The following RNGTT variants were observed in gnomAD, a reference collection of about 807,000 sequenced individuals.
RNGTT encodes RNA guanylyltransferase and 5'-phosphatase.
A neutral mutation model predicts 79.3 loss-of-function variants in RNGTT; 33 were observed. That is an observed-to-expected ratio of 0.42 (90% CI 0.32 to 0.56). The LOEUF (loss-of-function observed/expected upper bound fraction) is 0.56, where lower values mean the gene tolerates loss of function less well. Ranked by LOEUF, RNGTT falls within the 20% of genes least tolerant of loss-of-function variation. RNGTT has a pLI of 0.17. For synonymous variants in RNGTT, 222 were observed against 235.9 expected, an observed-to-expected ratio of 0.94 and a Z score of 0.54; for missense variants, 497 against 739.1, an observed-to-expected ratio of 0.67 and a Z score of 3.80.
At chr6:88,698,084 G>GAT (rs1207357976) in intron 13 of RNGTT, among the ~76,000 whole-genome samples, 1 of 75,866 alleles carries the variant, frequency 1.3e-5, no homozygotes, top group Non-Finnish European at 2.1e-5. Flanking sequence ...ACATATATAT[G>GAT]ATATATATAT....
At chr6:88,716,880 C>G (rs1029961351) in intron 13 of RNGTT, among the ~76,000 whole-genome samples, 5 of 152,034 alleles carry the variant, frequency 3.3e-5, no homozygotes, top group African/African-American at 9.7e-5. Flanking sequence ...TGACGAGTTA[C>G]TGGGTGCAGC....
At chr6:88,696,984 TG>T (rs1412756805) in intron 13 of RNGTT, among the ~76,000 whole-genome samples, 3 of 152,216 alleles carry the variant, frequency 2.0e-5, no homozygotes, top group Non-Finnish European at 4.4e-5. Context: ...ATAATAGCTA[TG>T]ATCAATCAAA....
chr6:88,784,664 T>C (rs957561083), intron 12 of RNGTT, among the ~76,000 whole-genome samples: 3 of 152,136 alleles, frequency 2.0e-5, no homozygotes, highest in Non-Finnish European at 4.4e-5. Context: ...TTTCTGACCC[T>C]ACATAGACAA....
chr6:88,950,048 G>A (rs1339488021), intron 1 of RNGTT, among the ~76,000 whole-genome samples: 1 of 150,024 alleles, frequency 6.7e-6, no homozygotes, highest in Non-Finnish European at 1.5e-5. Context: ...TTACCATTCT[G>A]AAAATACTAG....
intron 13 of RNGTT, among the ~76,000 whole-genome samples, chr6:88,696,465 A>C (rs901970587): frequency 2.6e-5 from 4 of 152,146 alleles, no homozygotes; most frequent in African/African-American, 7.2e-5. Context: ...TCTATGGCTT[A>C]CTTTTACCTA....
At chr6:88,847,905 C>T (rs1391092075) in intron 10 of RNGTT, among the ~76,000 whole-genome samples, 1 of 150,882 alleles carries the variant, frequency 6.6e-6, no homozygotes, top group East Asian at 1.9e-4. Flanking sequence ...AGACAGAAAA[C>T]CAAATAGAAC....
rs1219168855 is a variant in RNGTT, at chr6:88,632,536, GACACACAGACACACACACACACACACAC to G, written c.1507-18169_1507-18142del. Among the ~76,000 whole-genome samples, 790 of 98,478 alleles carry G rather than the reference GACACACAGACACACACACACACACACAC, an allele frequency of 8.0e-3. 7 individuals carry two copies. The highest frequency in any genetic ancestry group is 0.023 in the African/African-American group (717 of 31,762). The allele number at this position is 98,478 out of a possible 152,430, so 64.6% of individuals were successfully genotyped here. Reference sequence around the variant, plus strand: ...TATAGCAACCAACTACAGACACACAGACACACAGACACACACACACACACACACACACACACACACACACGTACATTTC... The same window carrying G: ...TATAGCAACCAACTACAGACACACAGACACACACACACACACGTACATTTC... On this transcript the variant is annotated intron_variant, in intron 14 of 15. Coordinates refer to ENST00000369485, the MANE Select transcript of RNGTT (RefSeq NM_003800.5).
intron 13 of RNGTT, among the ~76,000 whole-genome samples, chr6:88,701,787 T>C (rs1340585931): frequency 6.6e-6 from 1 of 152,136 alleles, no homozygotes; most frequent in African/African-American, 2.4e-5. Flanking sequence ...GTAATCAAAC[T>C]TCACTTTCTC....
In RNGTT at chr6:88,681,867, C is replaced by T. The variant is rs573079836; in HGVS notation, c.1440-3448G>A. ...GCAACTAAATACTTCTATACTGTGG[C>T]TACCAAAGAGGATGTTTTGGAAAGT... On this transcript the variant is annotated intron_variant, in intron 13 of 15. Transcript: ENST00000369485. 4.6e-5 allele frequency among the ~76,000 whole-genome samples: 7 copies of T among 152,244 alleles called. No individual in the cohort carries two copies. In the South Asian group the frequency reaches 1.4e-3, roughly 32 times the overall value.
intron 13 of RNGTT, among the ~76,000 whole-genome samples, chr6:88,705,663 C>T (rs893473746): frequency 1.3e-5 from 2 of 152,092 alleles, no homozygotes; most frequent in African/African-American, 2.4e-5. Context: ...TGTGGTATTA[C>T]ATCCTTAGCT....
chr6:88,681,430 C>T (rs956807307), intron 13 of RNGTT, among the ~76,000 whole-genome samples: 2 of 152,068 alleles, frequency 1.3e-5, no homozygotes, highest in Non-Finnish European at 2.9e-5. Flanking sequence ...TATTCATTAT[C>T]CCTTACCATA....
chr6:88,667,646 G>A (rs1440172181), intron 14 of RNGTT, among the ~76,000 whole-genome samples: 1 of 152,116 alleles, frequency 6.6e-6, no homozygotes, highest in East Asian at 1.9e-4. Flanking sequence ...GTGCTTCTTC[G>A]AGATCTCATC....
At chr6:88,765,675 A>G (rs1778436232) in intron 13 of RNGTT, among the ~76,000 whole-genome samples, 1 of 152,204 alleles carries the variant, frequency 6.6e-6, no homozygotes, top group Non-Finnish European at 1.5e-5. Context: ...AAGACCACAC[A>G]GCAAATAAGT....
rs565583946 is a variant in RNGTT, at chr6:88,684,819, T to C, written c.1440-6400A>G. Among the ~76,000 whole-genome samples, 88 of 152,144 alleles carry C rather than the reference T, an allele frequency of 5.8e-4. 1 individual carries two copies. The South Asian group carries it at 0.017, about 29-fold the overall frequency. On this transcript the variant is annotated intron_variant, in intron 13 of 15. Coordinates refer to ENST00000369485, the MANE Select transcript of RNGTT (RefSeq NM_003800.5). ...GTCAACATAGGTTCATCAACTCTAA[T>C]AAATGTAGCACTCTGATGCAGAGTA...
intron 11 of RNGTT, among the ~76,000 whole-genome samples, chr6:88,809,097 A>C (rs938261316): frequency 7.2e-5 from 11 of 152,210 alleles, no homozygotes; most frequent in Non-Finnish European, 2.9e-5. Context: ...CATCTAGGCT[A>C]TATTAATATA....
At chr6:88,922,584 G>A (rs1784197327) in intron 4 of RNGTT, among the ~76,000 whole-genome samples, 1 of 151,926 alleles carries the variant, frequency 6.6e-6, no homozygotes, top group East Asian at 1.9e-4. Context: ...CTGGAGTGCA[G>A]TGGCGCAATC....
chr6:88,879,650 A>G (rs1782633137), intron 8 of RNGTT, among the ~76,000 whole-genome samples: 1 of 152,232 alleles, frequency 6.6e-6, no homozygotes, highest in African/African-American at 2.4e-5. Flanking sequence ...AAATCTTGTC[A>G]AAGTACCAAT....
At chr6:88,869,881 C>T (rs888721884) in intron 8 of RNGTT, among the ~76,000 whole-genome samples, 1 of 152,206 alleles carries the variant, frequency 6.6e-6, no homozygotes, top group South Asian at 2.1e-4. Flanking sequence ...TATATTATAT[C>T]CTGCAACTCT....
intron 2 of RNGTT, among the ~76,000 whole-genome samples, chr6:88,936,266 C>G (rs951569459): frequency 6.6e-6 from 1 of 152,124 alleles, no homozygotes; most frequent in Middle Eastern, 3.2e-3. Context: ...CTGAATTTCT[C>G]ATCAGATCTC....
Sources: gnomAD v4.1 joint callset for allele counts (sites outside exome capture counted in the v4.1 genomes callset) on GRCh38, gnomAD v4.1.1 for gene constraint, MANE v1.5 for transcripts, NCBI Gene and HGNC (gene_info 2026-07-23, HGNC 2026-07-21) for gene names.